The following AOAH variants were observed in gnomAD, a reference collection of about 807,000 sequenced individuals.
AOAH encodes the protein acyloxyacyl hydrolase, also known as acyloxyacyl hydrolase (neutrophil).
In AOAH, 64 loss-of-function variants were observed where a neutral mutation model predicts 92.2. That is an observed-to-expected ratio of 0.69 (90% confidence interval 0.57 to 0.86). The LOEUF (loss-of-function observed/expected upper bound fraction) is 0.86. Among genes scored for constraint, AOAH ranks in the 40% least tolerant of loss-of-function variants. AOAH has a pLI of 0.00. For synonymous variants in AOAH, 263 were observed against 254.5 expected (o/e 1.03, Z -0.32); for missense variants, 656 against 694.6 (o/e 0.94, Z 0.62).
intron 6 of AOAH, among the ~76,000 whole-genome samples, chr7:36,624,329 T>C (rs1051335391): frequency 6.6e-6 from 1 of 152,220 alleles, no homozygotes; most frequent in African/African-American, 2.4e-5. Flanking sequence ...AATCACTAAA[T>C]GGTCTTTTGA....
chr7:36,707,111 A>G (rs923944501), intron 1 of AOAH, among the ~76,000 whole-genome samples: 1 of 151,152 alleles, frequency 6.6e-6, no homozygotes, highest in Non-Finnish European at 1.5e-5. Flanking sequence ...ATGCCTCCTC[A>G]CTAAGCATAA....
chr7:36,601,347 C>T (rs1463836620), intron 11 of AOAH, among the ~76,000 whole-genome samples: 1 of 151,642 alleles, frequency 6.6e-6, no homozygotes, highest in East Asian at 1.9e-4. Context: ...CACAGAGGCA[C>T]ACAGAGGAAA....
chr7:36,710,043 T>A (rs1045850007), intron 1 of AOAH, among the ~76,000 whole-genome samples: 1 of 152,204 alleles, frequency 6.6e-6, no homozygotes, highest in Non-Finnish European at 1.5e-5. Flanking sequence ...TTTGGTCTTT[T>A]AAAAGCATTT....
At chr7:36,611,901 A>C (rs1253518951) in intron 11 of AOAH, among the ~76,000 whole-genome samples, 1 of 152,224 alleles carries the variant, frequency 6.6e-6, no homozygotes, top group Admixed American at 6.5e-5. Flanking sequence ...CGGCTTGTTC[A>C]GGATTACGCT....
chr7:36,594,326 C>T lies in AOAH; in HGVS notation c.938+13G>A, dbSNP rs1383550978. The stretch of plus-strand genomic sequence containing the variant: ...AGGTATTGAAATGTCTGAGGGTGCA[C>T]AAAGACACTTACCCAACAGTGGAGT... On this transcript the variant is annotated intron_variant, in intron 12 of 20. Coordinates refer to ENST00000617537, the MANE Select transcript of AOAH (RefSeq NM_001637.4). 2 of 1,606,496 alleles carry T rather than the reference C, an allele frequency of 1.2e-6. No homozygotes were observed. Among genetic ancestry groups the T allele is most frequent in the Non-Finnish European group, 1.7e-6 (2 of 1,173,066 alleles).
intron 3 of AOAH, among the ~76,000 whole-genome samples, chr7:36,671,870 C>T (rs749256360): frequency 8.6e-5 from 13 of 152,002 alleles, no homozygotes; most frequent in Non-Finnish European, 1.6e-4. Context: ...CTGGAAATGC[C>T]CTCAGAAACC....
intron 13 of AOAH, among the ~76,000 whole-genome samples, chr7:36,561,013 G>C (rs1468529965): frequency 6.6e-6 from 1 of 151,638 alleles, no homozygotes; most frequent in Non-Finnish European, 1.5e-5. Context: ...TATCTATGGG[G>C]GTAGACACAT....
intron 20 of AOAH, among the ~76,000 whole-genome samples, chr7:36,514,891 CTGTT>C (rs886435455): frequency 6.6e-6 from 1 of 152,016 alleles, no homozygotes; most frequent in Non-Finnish European, 1.5e-5. Context: ...CTGTGTCTGA[CTGTT>C]TGTGAGATTT....
chr7:36,573,781 T>G (rs1030360992), intron 13 of AOAH, among the ~76,000 whole-genome samples: 6 of 152,078 alleles, frequency 3.9e-5, no homozygotes, highest in Non-Finnish European at 7.4e-5. Flanking sequence ...TGTATAGACG[T>G]TTTTGAGATC....
At chr7:36,534,807 G>A (rs1784908713) in intron 16 of AOAH, among the ~76,000 whole-genome samples, 1 of 152,122 alleles carries the variant, frequency 6.6e-6, no homozygotes, top group Non-Finnish European at 1.5e-5. Context: ...GTCCCACAGT[G>A]GCCAGGAATC....
In AOAH at chr7:36,663,039, C is replaced by T. The variant is rs75821371; in HGVS notation, c.291-3774G>A. ...GCCTTGGGACAGAAGGCCTAAACTA[C>T]GCCTCATTTGCTGAATCTTTAAGCA... On this transcript the variant is annotated intron_variant, in intron 3 of 20. Coordinates refer to ENST00000617537, the MANE Select transcript of AOAH (RefSeq NM_001637.4). Among the ~76,000 whole-genome samples the T allele has an allele frequency of 8.0e-3, 1,211 of 152,300 alleles. 16 individuals carry two copies. The highest frequency in any genetic ancestry group is 0.027 in the African/African-American group (1,123 of 41,560).
chr7:36,692,572 T>C (rs1415935497), intron 1 of AOAH, among the ~76,000 whole-genome samples: 1 of 152,060 alleles, frequency 6.6e-6, no homozygotes, highest in Non-Finnish European at 1.5e-5. Flanking sequence ...GCTTAGGGCA[T>C]TGATAAGTGA....
chr7:36,623,168 G>A (rs760592767), intron 7 of AOAH, 22 bp downstream of exon 7: 1 of 1,601,812 alleles, frequency 6.2e-7, no homozygotes, highest in Non-Finnish European at 8.6e-7. Context: ...GTGAACATCT[G>A]GTTATTCCTA....
intron 2 of AOAH, among the ~76,000 whole-genome samples, chr7:36,682,630 G>A (rs2116737118): frequency 6.6e-6 from 1 of 151,660 alleles, no homozygotes; most frequent in South Asian, 2.1e-4. Context: ...AAAATAGCAA[G>A]AATAAGAATT....
chr7:36,605,191 T>C (rs2115756785), intron 11 of AOAH, among the ~76,000 whole-genome samples: 1 of 152,318 alleles, frequency 6.6e-6, no homozygotes, highest in African/African-American at 2.4e-5. Context: ...AGAGCTGGGC[T>C]GGATAATCTC....
chr7:36,570,649 C>G (rs1788073499), intron 13 of AOAH, among the ~76,000 whole-genome samples: 1 of 152,214 alleles, frequency 6.6e-6, no homozygotes, highest in Non-Finnish European at 1.5e-5. Context: ...TTCTCCACAT[C>G]CTGTTTGTTG....
At position 36,604,455 on chromosome 7, in the gene AOAH, A is replaced by G. The variant is rs147977493; in HGVS notation, c.847-10025T>C. Among the ~76,000 whole-genome samples, 834 of 152,238 alleles carry G rather than the reference A, an allele frequency of 5.5e-3. 5 individuals carry two copies. The highest frequency in any genetic ancestry group is 0.019 in the African/African-American group (796 of 41,516). ...TCTATTTCTCTGTCTTTAATAATAG[A>G]ACAGTGATAGTTGGGCATAGGGCTG... On this transcript the variant is annotated intron_variant, in intron 11 of 20. Transcript: ENST00000617537.
chr7:36,588,700 T>C (rs1274105617), intron 12 of AOAH, among the ~76,000 whole-genome samples: 2 of 152,194 alleles, frequency 1.3e-5, no homozygotes, highest in Non-Finnish European at 2.9e-5. Context: ...TTTTCAAAAT[T>C]ATTCTCTCAT....
Position 36,523,629 on chromosome 7 carries a change from G to GGTTTTTTT in AOAH, c.1523-1515_1523-1514insAAAAAAAC, listed in dbSNP as rs759621905. 7.8e-3 allele frequency among the ~76,000 whole-genome samples: 780 copies of GGTTTTTTT among 100,082 alleles called. 29 individuals carry two copies. Among genetic ancestry groups the GGTTTTTTT allele is most frequent in the African/African-American group, 0.03 (751 of 24,634 alleles). The allele number at this position is 100,082 out of a possible 152,430, so 65.7% of individuals were successfully genotyped here. Reference sequence around the variant, plus strand: ...TCAGTTTGCCTGGCCTGTTTTGCCTGTTTTTTTTTTTTTTTTTTTTGGCAT... The same window carrying GGTTTTTTT: ...TCAGTTTGCCTGGCCTGTTTTGCCTGGTTTTTTTTTTTTTTTTTTTTTTTTTTTGGCAT... On this transcript the variant is annotated intron_variant, in intron 19 of 20. Transcript: ENST00000617537.
Sources: gnomAD v4.1 joint callset for allele counts (sites outside exome capture counted in the v4.1 genomes callset) on GRCh38, gnomAD v4.1.1 for gene constraint, MANE v1.5 for transcripts, NCBI Gene and HGNC (gene_info 2026-07-23, HGNC 2026-07-21) for gene names.